GRK5: variants seen among roughly 807,000 people sequenced by gnomAD.
GRK5 encodes g protein-coupled receptor kinase GRK5.
Under a neutral mutation model 78.4 loss-of-function variants are expected in GRK5, and 40 were observed. That is an observed-to-expected ratio of 0.51 (90% CI 0.40 to 0.66). The LOEUF (loss-of-function observed/expected upper bound fraction) is 0.66, where lower values mean the gene tolerates loss of function less well. GRK5 is among the 30% of genes least tolerant of loss of function. The pLI is 0.00. For synonymous variants in GRK5, 289 were observed against 296.8 expected (o/e 0.97, Z 0.27); for missense variants, 598 against 759.9 (o/e 0.79, Z 2.50).
chr10:119,394,317 G>A (rs117191330), intron 3 of GRK5, among the ~76,000 whole-genome samples: 3 of 20,378 alleles, frequency 1.5e-4, no homozygotes, highest in Non-Finnish European at 4.3e-4. Context: ...TGGGCACGTG[G>A]GTGTGTGTAT....
At chr10:119,315,580 C>G (rs752842376) in intron 1 of GRK5, among the ~76,000 whole-genome samples, 7 of 152,204 alleles carry the variant, frequency 4.6e-5, no homozygotes, top group Non-Finnish European at 2.9e-5. Context: ...CTGAGAACAC[C>G]CACAGCCTCC....
chr10:119,282,167 C>T (rs944143558), intron 1 of GRK5, among the ~76,000 whole-genome samples: 4 of 152,232 alleles, frequency 2.6e-5, no homozygotes, highest in Non-Finnish European at 5.9e-5. Flanking sequence ...AAACCACTGA[C>T]TTCACTTGCT....
At chr10:119,304,633 C>T (rs1364840704) in intron 1 of GRK5, among the ~76,000 whole-genome samples, 1 of 152,190 alleles carries the variant, frequency 6.6e-6, no homozygotes, top group Admixed American at 6.5e-5. Context: ...GCTGAGCTCA[C>T]CCACAGGCCC....
At chr10:119,229,461 C>G (rs535381669) in intron 1 of GRK5, among the ~76,000 whole-genome samples, 1 of 152,290 alleles carries the variant, frequency 6.6e-6, no homozygotes, top group South Asian at 2.1e-4. Context: ...TTATCTCTGT[C>G]TAGTGAACTA....
At chr10:119,290,364 C>A (rs11198862) in intron 1 of GRK5, among the ~76,000 whole-genome samples, 85,421 of 114,916 alleles carry the variant, frequency 0.74, 29,935 homozygotes, top group East Asian at 0.92. Context: ...AAAAAAAAAA[C>A]AAAAAACAAC....
chr10:119,344,079 CTT>C (rs984816023), intron 2 of GRK5, among the ~76,000 whole-genome samples: 1 of 144,012 alleles, frequency 6.9e-6, no homozygotes. Flanking sequence ...TTTTCTTTTT[CTT>C]TTTTTTTTGG....
In GRK5 at chr10:119,452,651, C is replaced by T. The variant is rs200671045; in HGVS notation, c.1405-20C>T. 271 of 1,613,500 alleles carry T rather than the reference C, an allele frequency of 1.7e-4. 1 individual carries two copies. In the East Asian group the frequency reaches 2.0e-3, roughly 12 times the overall value. ...GCCGCAGGCGGGACATATGTGTGAC[C>T]GGCCCTCTGCCCCTGGCAGCCCCGC... is the stretch of plus-strand genomic sequence containing the variant. On this transcript the variant is annotated intron_variant, in intron 13 of 15. Coordinates refer to ENST00000392870, the MANE Select transcript of GRK5 (RefSeq NM_005308.3). This position sits in a 1 kb window ranked among gnomAD's most constrained non-coding sequence, Gnocchi z 4.4.
intron 1 of GRK5, among the ~76,000 whole-genome samples, chr10:119,260,658 C>T (rs1017742861): frequency 1.3e-5 from 2 of 151,866 alleles, no homozygotes; most frequent in Admixed American, 6.6e-5. Context: ...ACATCTTGCA[C>T]CGCCCTTAAT....
intron 1 of GRK5, among the ~76,000 whole-genome samples, chr10:119,305,054 C>T (rs1850251316): frequency 7.1e-6 from 1 of 140,560 alleles, no homozygotes; most frequent in Non-Finnish European, 1.5e-5. Context: ...ACACCTGTTT[C>T]TGAAAAATCT....
intron 1 of GRK5, among the ~76,000 whole-genome samples, chr10:119,216,917 A>G (rs770921996): frequency 1.3e-5 from 2 of 152,074 alleles, no homozygotes; most frequent in Non-Finnish European, 2.9e-5. Flanking sequence ...TAACAGCGAA[A>G]CTCCGTCTAA....
chr10:119,338,461 C>T (rs1210569511), intron 2 of GRK5, among the ~76,000 whole-genome samples: 1 of 152,188 alleles, frequency 6.6e-6, no homozygotes, highest in African/African-American at 2.4e-5. Flanking sequence ...AGCTTTTTTC[C>T]CCATACATAT....
At position 119,393,636 on chromosome 10, in the gene GRK5, C is replaced by T. The variant is rs1462127691; in HGVS notation, c.262-3059C>T. 2.0e-5 allele frequency among the ~76,000 whole-genome samples: 3 copies of T among 152,208 alleles called. No individual in the cohort carries two copies. The South Asian group carries it at 6.2e-4, about 31-fold the overall frequency. On this transcript the variant is annotated intron_variant, in intron 3 of 15. Coordinates refer to ENST00000392870, the MANE Select transcript of GRK5 (RefSeq NM_005308.3). ...GGCGGGCTGTCCAGGGGCAGCAGGA[C>T]CCTGGGTGCTTCTCATTCTGGAAAA...
At chr10:119,357,338 C>G (rs1279226593) in intron 2 of GRK5, among the ~76,000 whole-genome samples, 2 of 152,194 alleles carry the variant, frequency 1.3e-5, no homozygotes, top group African/African-American at 4.8e-5. Context: ...TCCAAAGGGC[C>G]TGTGTTGTGT....
intron 1 of GRK5, among the ~76,000 whole-genome samples, chr10:119,226,199 C>T (rs917533087): frequency 3.3e-5 from 5 of 151,340 alleles, no homozygotes; most frequent in Admixed American, 1.3e-4. Context: ...AGTCTGGGCT[C>T]GAACTCCTGA....
At chr10:119,408,363 A>T (rs11198909) in intron 4 of GRK5, among the ~76,000 whole-genome samples, 75 of 141,878 alleles carry the variant, frequency 5.3e-4, no homozygotes, top group South Asian at 1.1e-3. Context: ...AAAAAAAAAA[A>T]GGCAGAAAAC....
chr10:119,394,572 T>G (rs372920724), intron 3 of GRK5, among the ~76,000 whole-genome samples: 36 of 3,244 alleles, frequency 0.011, no homozygotes, highest in East Asian at 0.068. Context: ...TGGGTGTGTG[T>G]GTGTCTGTGT....
At chr10:119,232,609 T>G (rs144123376) in intron 1 of GRK5, among the ~76,000 whole-genome samples, 229 of 152,282 alleles carry the variant, frequency 1.5e-3, no homozygotes, top group African/African-American at 5.3e-3. Flanking sequence ...GTTCTCGTGA[T>G]AGTAAGTCTC....
At chr10:119,322,458 G>C (rs769831900) in intron 1 of GRK5, among the ~76,000 whole-genome samples, 1 of 152,224 alleles carries the variant, frequency 6.6e-6, no homozygotes, top group Non-Finnish European at 1.5e-5. Flanking sequence ...CTGAGGTAAC[G>C]CGTTGGATGT....
chr10:119,431,673 C>A lies in GRK5; in HGVS notation c.738+146C>A. ...GTGGCAGCGCTGAGCTACAGAAAGGCCGCAAGACATTCCTCCATCACACGG... is the reference window on the plus strand; with the variant it reads ...GTGGCAGCGCTGAGCTACAGAAAGGACGCAAGACATTCCTCCATCACACGG... On this transcript the variant is annotated intron_variant, in intron 8 of 15. Transcript: ENST00000392870. The surrounding 1 kb of genome is among the most constrained non-coding windows in gnomAD (Gnocchi z 4.8). The A allele has an allele frequency of 1.0e-6, 1 of 984,206 alleles. No individual in the cohort carries two copies. Among genetic ancestry groups the A allele is most frequent in the Non-Finnish European group, 1.5e-6 (1 of 684,058 alleles). 61.0% of individuals were successfully genotyped at this position (984,206 alleles called of 1,614,324 possible).
Sources: gnomAD v4.1 joint callset for allele counts (sites outside exome capture counted in the v4.1 genomes callset) on GRCh38, gnomAD v4.1.1 for gene constraint, Gnocchi (gnomAD v3.1) non-coding constraint, MANE v1.5 for transcripts, NCBI Gene and HGNC (gene_info 2026-07-23, HGNC 2026-07-21) for gene names.